The following LCOR variants were observed in gnomAD, a reference collection of about 807,000 sequenced individuals.
LCOR encodes ligand dependent nuclear receptor corepressor, also known as ligand-dependent corepressor.
In LCOR, 14 loss-of-function variants were observed where a neutral mutation model predicts 64.4. The ratio of observed to expected loss-of-function variants is 0.22; its 90% confidence interval spans 0.14 to 0.34. The LOEUF (loss-of-function observed/expected upper bound fraction) is 0.34. Among genes scored for constraint, LCOR ranks in the 10% least tolerant of loss-of-function variants. LCOR has a pLI of 1.00. For synonymous variants in LCOR, 643 were observed against 642.5 expected (o/e 1.00, Z -0.01); for missense variants, 1,686 against 1,765.3 (o/e 0.96, Z 0.80).
chr10:96,984,665 C>CAGAA lies in LCOR; in HGVS notation c.4206_4209dup (p.Gly1404ArgfsTer8). The CAGAA allele has an allele frequency of 6.2e-7, 1 of 1,614,084 alleles. No homozygotes were observed. ...GAAGTTCAGAGTAAACGCAAGAGAACAGAAGGCAGCAGCCCTCCAGATAGT... is the reference window on the plus strand; with the variant it reads ...GAAGTTCAGAGTAAACGCAAGAGAACAGAAAGAAGGCAGCAGCCCTCCAGATAGT... On this transcript the variant is annotated frameshift_variant, in exon 8 of 8. Coordinates refer to ENST00000421806, the MANE Select transcript of LCOR (RefSeq NM_001346516.2). LOFTEE classifies it high-confidence loss of function.
intron 2 of LCOR, among the ~76,000 whole-genome samples, chr10:96,870,672 TTTC>T (rs775487738): frequency 2.6e-5 from 4 of 152,214 alleles, no homozygotes; most frequent in Non-Finnish European, 5.9e-5. Context: ...TAACTCCAGT[TTTC>T]TTCTATTAAG....
intron 7 of LCOR, among the ~76,000 whole-genome samples, chr10:96,977,761 C>A (rs1848050450): frequency 6.6e-6 from 1 of 152,058 alleles, no homozygotes; most frequent in Non-Finnish European, 1.5e-5. Context: ...AGCCTCGACC[C>A]CCTTGGCTCA....
At chr10:96,881,300 A>G (rs1846258761) in intron 2 of LCOR, among the ~76,000 whole-genome samples, 1 of 152,232 alleles carries the variant, frequency 6.6e-6, no homozygotes. Flanking sequence ...ACACAAAGTA[A>G]TGAATGTCAA....
At position 96,991,175 on chromosome 10, in the gene LCOR, T is replaced by G. The variant is rs186548769; in HGVS notation, c.*6041T>G. 1 of 152,196 alleles carries G rather than the reference T, an allele frequency of 6.6e-6. No individual in the cohort carries two copies. The highest frequency in any genetic ancestry group is 1.5e-5 in the Non-Finnish European group (1 of 67,992). 9.4% of individuals were successfully genotyped at this position (152,196 alleles called of 1,614,324 possible). A position where few individuals can be genotyped will look rare whatever the true frequency, so the allele number is the denominator to read the frequency against. ...ACAGGCACAACTTTTTTTTTTCATA[T>G]GCTCCAACATTTTTTTCATACAGTC... On this transcript the variant is annotated 3_prime_UTR_variant, in exon 8 of 8. Transcript: ENST00000421806.
intron 7 of LCOR, chr10:96,958,601 T>G (rs1053542987): frequency 3.3e-6 from 2 of 612,574 alleles, no homozygotes; most frequent in African/African-American, 3.7e-5. Flanking sequence ...TTTCTCAGAT[T>G]AAAAGTCCTG....
chr10:96,958,326 A>G, intron 7 of LCOR: 3 of 1,528,692 alleles, frequency 2.0e-6, no homozygotes, highest in Non-Finnish European at 2.6e-6. Flanking sequence ...TAAGTGATGT[A>G]TGAGTTGAGT....
intron 2 of LCOR, among the ~76,000 whole-genome samples, chr10:96,876,125 A>G (rs774081438): frequency 1.3e-5 from 2 of 152,110 alleles, no homozygotes; most frequent in African/African-American, 4.8e-5. Flanking sequence ...ACTGGGTAAT[A>G]TATAAAGAAA....
chr10:96,910,454 A>G (rs1298260025), intron 4 of LCOR, among the ~76,000 whole-genome samples: 1 of 152,254 alleles, frequency 6.6e-6, no homozygotes, highest in Non-Finnish European at 1.5e-5. Flanking sequence ...GAGAAAGCCT[A>G]TATCATGTGA....
chr10:96,879,678 G>T (rs552436584), intron 2 of LCOR, among the ~76,000 whole-genome samples: 2 of 151,728 alleles, frequency 1.3e-5, no homozygotes, highest in Non-Finnish European at 1.5e-5. Context: ...TTTTTTTTGC[G>T]ACAGACTCTC....
intron 6 of LCOR, among the ~76,000 whole-genome samples, chr10:96,951,780 T>C (rs1351574378): frequency 2.0e-5 from 3 of 152,112 alleles, no homozygotes; most frequent in Non-Finnish European, 4.4e-5. Flanking sequence ...AATGGAGTCT[T>C]AAAAAATCTG....
chr10:96,984,628 T>C lies in LCOR; in HGVS notation c.4168T>C (p.Leu1390=), dbSNP rs372366809. Residue 1390 remains leucine, a synonymous_variant, in exon 8 of 8, where the codon TTG becomes CTG. Transcript: ENST00000421806. ...GAAGGGGAAGCAGGTGTCTGAAATC[T>C]TGCCTAAAGCAGAAGTTCAGAGTAA... ...GRKGKQVSEI[L]PKAEVQSKRK... is the part of the protein sequence containing the mutation. 2 of 1,614,158 alleles carry C rather than the reference T, an allele frequency of 1.2e-6. No homozygotes were observed. Among genetic ancestry groups the C allele is most frequent in the Non-Finnish European group, 1.7e-6 (2 of 1,180,032 alleles).
At chr10:96,850,638 C>T (rs566981843) in intron 2 of LCOR, among the ~76,000 whole-genome samples, 89 of 152,162 alleles carry the variant, frequency 5.8e-4, no homozygotes, top group African/African-American at 2.1e-3. Flanking sequence ...GTACATGCCA[C>T]CAGGTCTTGC....
At chr10:96,972,553 G>C (rs1848007535) in intron 7 of LCOR, among the ~76,000 whole-genome samples, 2 of 151,740 alleles carry the variant, frequency 1.3e-5, no homozygotes, top group Non-Finnish European at 1.5e-5. Context: ...TTGTCTGTAG[G>C]GTAAAAATAT....
chr10:96,894,746 T>C (rs2134437189), intron 2 of LCOR, among the ~76,000 whole-genome samples: 1 of 152,352 alleles, frequency 6.6e-6, no homozygotes, highest in African/African-American at 2.4e-5. Flanking sequence ...TAATGATTTT[T>C]AAAATATATA....
rs1246470260 is a variant in LCOR, at chr10:96,832,415, G to A, written c.-404+16G>A. 1 of 961,688 alleles carries A rather than the reference G, an allele frequency of 1.0e-6. No individual in the cohort carries two copies. Among genetic ancestry groups the A allele is most frequent in the Non-Finnish European group, 1.2e-6 (1 of 808,110 alleles). 59.6% of individuals were successfully genotyped at this position (961,688 alleles called of 1,614,324 possible). ...CACTGTGTAGGTGAGACCCTCCGCC[G>A]ACCGCCGCCGCCCCTCCGGCCGCCC... On this transcript the variant is annotated intron_variant, in intron 1 of 7. Coordinates refer to ENST00000421806, the MANE Select transcript of LCOR (RefSeq NM_001346516.2).
In LCOR at chr10:96,982,113, T is replaced by C; in HGVS notation, c.1653T>C (p.Pro551=). 1 of 1,614,162 alleles carries C rather than the reference T, an allele frequency of 6.2e-7. No homozygotes were observed. Among genetic ancestry groups the C allele is most frequent in the Non-Finnish European group, 8.5e-7 (1 of 1,180,030 alleles). ...AGCAGACCCTTACAATTCCAGCCCC[T>C]AGACATACAGTAGATGTGCAGCTTC... The part of the protein sequence containing the change: ...TPKQTLTIPA[P]RHTVDVQLPR... Residue 551 remains proline, a synonymous_variant, in exon 8 of 8, where the codon CCT becomes CCC. Transcript: ENST00000421806.
At chr10:96,910,736 T>A (rs943977403) in intron 4 of LCOR, among the ~76,000 whole-genome samples, 10 of 152,148 alleles carry the variant, frequency 6.6e-5, no homozygotes, top group African/African-American at 2.4e-4. Flanking sequence ...GGATCTTGAG[T>A]TTGAGATTGG....
intron 2 of LCOR, among the ~76,000 whole-genome samples, chr10:96,903,118 A>G (rs1026371040): frequency 6.6e-6 from 1 of 152,118 alleles, no homozygotes; most frequent in Non-Finnish European, 1.5e-5. Flanking sequence ...TCACACGTGG[A>G]TAGGGCACTT....
At chr10:96,886,360 A>G (rs982178504) in intron 2 of LCOR, among the ~76,000 whole-genome samples, 2 of 152,198 alleles carry the variant, frequency 1.3e-5, no homozygotes, top group Non-Finnish European at 2.9e-5. Context: ...CCAGTTTAGC[A>G]TTTCTAATCT....
Sources: gnomAD v4.1 joint callset for allele counts (sites outside exome capture counted in the v4.1 genomes callset) on GRCh38, gnomAD v4.1.1 for gene constraint, MANE v1.5 for transcripts, NCBI Gene and HGNC (gene_info 2026-07-23, HGNC 2026-07-21) for gene names.